The following SPAG16 variants were observed in gnomAD, a reference collection of about 807,000 sequenced individuals.
SPAG16 encodes sperm associated antigen 16, also known as sperm-associated antigen 16 protein.
SPAG16 carries 86 observed loss-of-function variants against 80.4 expected under a neutral mutation model. That is an observed-to-expected ratio of 1.07 (90% CI 0.90 to 1.28). The LOEUF is 1.28. Among genes scored for constraint, SPAG16 ranks in the 50% most tolerant of loss-of-function variants. The probability of loss-of-function intolerance (pLI) is 0.00; values close to 1 mark genes in which losing one functional copy is unlikely to be tolerated. For synonymous variants in SPAG16, 294 were observed against 265.9 expected (o/e 1.11, Z -1.03); for missense variants, 870 against 765.3 (o/e 1.14, Z -1.61).
intron 10 of SPAG16, among the ~76,000 whole-genome samples, chr2:213,855,314 T>A (rs184433893): frequency 3.2e-4 from 49 of 152,342 alleles, no homozygotes; most frequent in Admixed American, 3.1e-3. Context: ...GAGCTAACTC[T>A]ACTTAAAGAT....
At chr2:213,466,740 G>C (rs201918254) in intron 9 of SPAG16, among the ~76,000 whole-genome samples, 1 of 152,122 alleles carries the variant, frequency 6.6e-6, no homozygotes, top group African/African-American at 2.4e-5. Context: ...TCCTCAGTTA[G>C]GGCACAACAG....
At chr2:214,386,762 G>A (rs1006106907) in intron 15 of SPAG16, among the ~76,000 whole-genome samples, 1 of 151,960 alleles carries the variant, frequency 6.6e-6, no homozygotes, top group African/African-American at 2.4e-5. Flanking sequence ...TACTCAGGAG[G>A]CTGAAGTGGG....
chr2:214,108,087 T>G, intron 13 of SPAG16, 109 bp from the exon 14 acceptor site: 1 of 745,268 alleles, frequency 1.3e-6, no homozygotes, highest in South Asian at 1.9e-5. Flanking sequence ...AATGTATTAA[T>G]TCTGGGAGGA....
At chr2:213,953,626 A>T (rs189500517) in intron 12 of SPAG16, among the ~76,000 whole-genome samples, 34 of 152,014 alleles carry the variant, frequency 2.2e-4, no homozygotes, top group South Asian at 8.3e-4. Context: ...AAAGAAAAAA[A>T]TTTTTAAATT....
chr2:213,591,576 T>A (rs935695967), intron 10 of SPAG16, among the ~76,000 whole-genome samples: 1 of 152,172 alleles, frequency 6.6e-6, no homozygotes, highest in East Asian at 1.9e-4. Flanking sequence ...TATTAAAGAA[T>A]GATAAGGCAG....
chr2:213,429,989 T>C (rs933108924), intron 9 of SPAG16, among the ~76,000 whole-genome samples: 1 of 152,198 alleles, frequency 6.6e-6, no homozygotes, highest in African/African-American at 2.4e-5. Flanking sequence ...ATGTCCTAAC[T>C]AAAAAGAAAT....
intron 13 of SPAG16, among the ~76,000 whole-genome samples, chr2:214,046,863 A>G (rs1409418547): frequency 1.3e-5 from 2 of 151,954 alleles, no homozygotes; most frequent in Non-Finnish European, 2.9e-5. Flanking sequence ...AAATTAATAT[A>G]CAAAAATTGG....
At chr2:214,367,089 T>A (rs753442727) in intron 15 of SPAG16, among the ~76,000 whole-genome samples, 3 of 152,188 alleles carry the variant, frequency 2.0e-5, no homozygotes, top group Non-Finnish European at 2.9e-5. Context: ...GGGACAGGAT[T>A]GGAAAGTTGG....
chr2:213,364,263 T>G, intron 8 of SPAG16, 118 bp downstream of exon 8: 1 of 456,042 alleles, frequency 2.2e-6, no homozygotes, highest in South Asian at 7.1e-5. Context: ...ATTTCACAAA[T>G]TAAAATTTTA....
chr2:213,663,368 A>G (rs2063491813), intron 10 of SPAG16, among the ~76,000 whole-genome samples: 1 of 152,104 alleles, frequency 6.6e-6, no homozygotes, highest in South Asian at 2.1e-4. Flanking sequence ...CAATATATGC[A>G]TTTAAAAAAA....
chr2:214,310,095 C>T (rs72952020), intron 15 of SPAG16, among the ~76,000 whole-genome samples: 14,227 of 150,908 alleles, frequency 0.094, 759 homozygotes, highest in Middle Eastern at 0.16. Flanking sequence ...TGTCAAAGCA[C>T]TCTTTTTACA....
intron 12 of SPAG16, among the ~76,000 whole-genome samples, chr2:213,969,730 A>T (rs2044914077): frequency 6.6e-6 from 1 of 152,190 alleles, no homozygotes; most frequent in Non-Finnish European, 1.5e-5. Context: ...ATTTTGTTAC[A>T]GTATCACAAA....
intron 10 of SPAG16, among the ~76,000 whole-genome samples, chr2:213,632,967 A>G (rs1238343943): frequency 6.6e-6 from 1 of 152,160 alleles, no homozygotes; most frequent in African/African-American, 2.4e-5. Flanking sequence ...TTTTGGCATC[A>G]GGCTAATACT....
At chr2:213,733,829 T>C (rs1574977289) in intron 10 of SPAG16, among the ~76,000 whole-genome samples, 1 of 152,226 alleles carries the variant, frequency 6.6e-6, no homozygotes. Context: ...AGTTCATGGT[T>C]TTTAGTTTGT....
chr2:214,271,331 T>C (rs1214519218), intron 15 of SPAG16, among the ~76,000 whole-genome samples: 3 of 152,174 alleles, frequency 2.0e-5, no homozygotes, highest in Non-Finnish European at 4.4e-5. Flanking sequence ...CCATCAAAGG[T>C]ACTGAATGTA....
intron 10 of SPAG16, among the ~76,000 whole-genome samples, chr2:213,724,290 A>G (rs940689655): frequency 6.6e-6 from 1 of 152,210 alleles, no homozygotes. Flanking sequence ...AGCAATGACA[A>G]TGGGGAGGAA....
chr2:213,294,444 G>T (rs1166817378), intron 1 of SPAG16, among the ~76,000 whole-genome samples: 1 of 152,180 alleles, frequency 6.6e-6, no homozygotes, highest in East Asian at 1.9e-4. Flanking sequence ...ATTAATAAAG[G>T]AGGTATTTTA....
At chr2:213,852,600 T>C (rs1349746683) in intron 10 of SPAG16, among the ~76,000 whole-genome samples, 2 of 152,192 alleles carry the variant, frequency 1.3e-5, no homozygotes, top group East Asian at 3.8e-4. Flanking sequence ...TGAAACCATC[T>C]GCCCTTAGAC....
chr2:214,354,377 T>A (rs1698633211), intron 15 of SPAG16, among the ~76,000 whole-genome samples: 1 of 152,194 alleles, frequency 6.6e-6, no homozygotes, highest in South Asian at 2.1e-4. Flanking sequence ...TTGGTACCAG[T>A]ACCATGCTGT....
Sources: gnomAD v4.1 joint callset for allele counts (sites outside exome capture counted in the v4.1 genomes callset) on GRCh38, gnomAD v4.1.1 for gene constraint, MANE v1.5 for transcripts, NCBI Gene and HGNC (gene_info 2026-07-23, HGNC 2026-07-21) for gene names.